Variants in MME observed in about 807,000 individuals in gnomAD.
The protein encoded by MME is neprilysin.
In MME, 98 loss-of-function variants were observed where a neutral mutation model predicts 113.2. That is an observed-to-expected ratio of 0.87 (90% confidence interval 0.74 to 1.02). The LOEUF (loss-of-function observed/expected upper bound fraction) is 1.02. Among genes scored for constraint, MME ranks in the 50% least tolerant of loss-of-function variants. The pLI is 0.00. For missense variants in MME, 836 were observed against 896.0 expected (o/e 0.93, Z 0.86); for synonymous variants, 292 against 300.6 (o/e 0.97, Z 0.30).
intron 10 of MME, 117 bp downstream of exon 10, chr3:155,140,409 CCTT>C: frequency 1.5e-5 from 6 of 389,274 alleles, no homozygotes; most frequent in Admixed American, 4.3e-5. Context: ...GACTTCAATT[CCTT>C]TTTTTTTTTT....
chr3:155,084,020 T>A, intron 1 of MME, 138 bp from the exon 2 acceptor site: 2 of 793,744 alleles, frequency 2.5e-6, no homozygotes, highest in East Asian at 2.7e-5. Flanking sequence ...GCAACAAAAT[T>A]TTGACTTCTC....
intron 22 of MME, among the ~76,000 whole-genome samples, chr3:155,177,022 C>A (rs575166365): frequency 6.6e-6 from 1 of 152,092 alleles, no homozygotes; most frequent in Non-Finnish European, 1.5e-5. Flanking sequence ...AGTGCCCACT[C>A]TCTGCGGTGT....
intron 8 of MME, among the ~76,000 whole-genome samples, chr3:155,127,351 A>T (rs756589667): frequency 2.6e-5 from 4 of 152,182 alleles, no homozygotes; most frequent in Non-Finnish European, 4.4e-5. Context: ...CTATTTGGTC[A>T]AAGTTGGTTC....
chr3:155,153,396 G>A (rs944159618), intron 16 of MME, among the ~76,000 whole-genome samples: 1 of 152,108 alleles, frequency 6.6e-6, no homozygotes, highest in East Asian at 1.9e-4. Flanking sequence ...GCGCCAGTTT[G>A]TAAAGAATTT....
At chr3:155,084,379 T>A in intron 2 of MME, 52 bp downstream of exon 2, 1 of 1,580,884 alleles carries the variant, frequency 6.3e-7, no homozygotes, top group Non-Finnish European at 8.7e-7. Context: ...GAAGGAAATC[T>A]TCCTCCATGC....
chr3:155,026,724 T>TC (rs1185591545), intron 1 of MME, among the ~76,000 whole-genome samples: 3 of 151,488 alleles, frequency 2.0e-5, no homozygotes, highest in Non-Finnish European at 2.9e-5. Context: ...TCTGTCCCAT[T>TC]CCCCCCACCT....
chr3:155,157,389 G>C (rs568215698), intron 16 of MME, among the ~76,000 whole-genome samples: 32 of 152,004 alleles, frequency 2.1e-4, no homozygotes, highest in African/African-American at 7.5e-4. Context: ...ACACTTTAAA[G>C]GTATCTTCAG....
chr3:155,072,198 A>G (rs1003771604), intron 1 of MME, among the ~76,000 whole-genome samples: 2 of 145,188 alleles, frequency 1.4e-5, no homozygotes. Flanking sequence ...AAAAAGAATC[A>G]CTGTCCTAGC....
intron 8 of MME, among the ~76,000 whole-genome samples, chr3:155,134,080 C>T (rs569826245): frequency 2.6e-5 from 4 of 151,906 alleles, no homozygotes; most frequent in East Asian, 3.9e-4. Context: ...TGAGAATATA[C>T]GTAAAATTGT....
intron 4 of MME, 134 bp from the exon 5 acceptor site, chr3:155,116,345 T>C: frequency 2.9e-6 from 2 of 697,156 alleles, no homozygotes; most frequent in East Asian, 5.8e-5. Flanking sequence ...GAAATGAATG[T>C]ACCTCCAGAA....
At chr3:155,092,333 C>A (rs952414877) in intron 3 of MME, among the ~76,000 whole-genome samples, 1 of 152,218 alleles carries the variant, frequency 6.6e-6, no homozygotes, top group Non-Finnish European at 1.5e-5. Context: ...ATAGTTCCAA[C>A]TGTGAGTGAG....
In MME at chr3:155,049,456, G is replaced by A. The variant is rs1447413473; in HGVS notation, c.-11+25132G>A. ...GGTACAGAAGAGAGGAAGTAGCTTTGGAATTGGGAAATGAGTAGAGGCTGG... is the reference window on the plus strand; with the variant it reads ...GGTACAGAAGAGAGGAAGTAGCTTTAGAATTGGGAAATGAGTAGAGGCTGG... On this transcript the variant is annotated intron_variant, in intron 1 of 22. Coordinates refer to the MME transcript ENST00000492661. Among the ~76,000 whole-genome samples, 10 of 152,046 alleles carry A rather than the reference G, an allele frequency of 6.6e-5. No individual in the cohort carries two copies. The East Asian group carries it at 1.7e-3, about 26-fold the overall frequency.
chr3:155,027,626 T>C (rs1712831591), intron 1 of MME, among the ~76,000 whole-genome samples: 2 of 152,256 alleles, frequency 1.3e-5, no homozygotes, highest in African/African-American at 4.8e-5. Flanking sequence ...AATATTACTG[T>C]TGTTAAATTT....
chr3:155,180,688 A>G lies in MME; in HGVS notation c.*229A>G. On this transcript the variant is annotated 3_prime_UTR_variant, in exon 23 of 23. Coordinates refer to ENST00000360490, the MANE Select transcript of MME (RefSeq NM_007289.4). Reference sequence around the variant, plus strand: ...GTCAATCATTTCTCACTGTGTACATAATGCTTAATTTCTAAAGATAATATT... The same window carrying G: ...GTCAATCATTTCTCACTGTGTACATGATGCTTAATTTCTAAAGATAATATT... The G allele has an allele frequency of 1.9e-6, 1 of 517,768 alleles. No homozygotes were observed. Among genetic ancestry groups the G allele is most frequent in the South Asian group, 2.1e-5 (1 of 48,472 alleles). 32.1% of individuals were successfully genotyped at this position (517,768 alleles called of 1,614,324 possible).
At chr3:155,134,614 T>A (rs1181555722) in intron 8 of MME, among the ~76,000 whole-genome samples, 1 of 152,186 alleles carries the variant, frequency 6.6e-6, no homozygotes. Flanking sequence ...AGTGCATAAG[T>A]CTTTGGTAGA....
chr3:155,034,202 C>A (rs1296273043), intron 1 of MME, among the ~76,000 whole-genome samples: 1 of 152,124 alleles, frequency 6.6e-6, no homozygotes, highest in Non-Finnish European at 1.5e-5. Flanking sequence ...AGTACCAGAG[C>A]ACTGTAGCCA....
At chr3:155,058,768 G>A (rs981693984) in intron 1 of MME, among the ~76,000 whole-genome samples, 7 of 152,062 alleles carry the variant, frequency 4.6e-5, no homozygotes, top group Non-Finnish European at 1.0e-4. Flanking sequence ...TGAAAAATCC[G>A]AATATTTTAC....
intron 1 of MME, among the ~76,000 whole-genome samples, chr3:155,029,670 T>A (rs142373170): frequency 1.3e-5 from 2 of 152,228 alleles, no homozygotes; most frequent in Non-Finnish European, 2.9e-5. Context: ...GCAAAATGTA[T>A]GAATTATATT....
intron 1 of MME, among the ~76,000 whole-genome samples, chr3:155,044,125 CTTTTTTTTTTT>C (rs5853709): frequency 2.2e-5 from 2 of 89,226 alleles, no homozygotes; most frequent in Non-Finnish European, 4.3e-5. Flanking sequence ...CTTCCTTTTT[CTTTTTTTTTTT>C]TTTTTTTTTT....
Sources: allele counts gnomAD v4.1 joint callset (sites outside exome capture counted in the v4.1 genomes callset), GRCh38; gene constraint gnomAD v4.1.1; transcripts MANE v1.5; gene names NCBI Gene and HGNC (gene_info 2026-07-23, HGNC 2026-07-21).